Variants in DENND1A observed in about 807,000 individuals in gnomAD.
DENND1A encodes DENN domain containing 1A, also known as DENN domain-containing protein 1A.
In DENND1A, 51 loss-of-function variants were observed where a neutral mutation model predicts 113.7. The observed-to-expected ratio is 0.45, with a 90% confidence interval of 0.36 to 0.57. The LOEUF is 0.57. Ranked by LOEUF, DENND1A falls within the 20% of genes least tolerant of loss-of-function variation. The pLI, the probability that DENND1A is intolerant of heterozygous loss-of-function variation, is 0.00. For synonymous variants in DENND1A, 565 were observed against 570.8 expected, an observed-to-expected ratio of 0.99 and a Z score of 0.14; for missense variants, 1,258 against 1,395.9, an observed-to-expected ratio of 0.90 and a Z score of 1.57.
At chr9:123,799,618 C>T (rs1325040869) in intron 2 of DENND1A, among the ~76,000 whole-genome samples, 11 of 152,292 alleles carry the variant, frequency 7.2e-5, no homozygotes, top group Admixed American at 1.3e-4. Flanking sequence ...ACACGGCACG[C>T]CCACTTCTGA....
chr9:123,510,357 C>T lies in DENND1A; in HGVS notation c.993+47213G>A, dbSNP rs565171983. 3.3e-5 allele frequency among the ~76,000 whole-genome samples: 5 copies of T among 152,378 alleles called. No homozygotes were observed. In the East Asian group the frequency reaches 9.6e-4, roughly 29 times the overall value. ...AACTCATCTGATAAAGGGAAATACA[C>T]AATAGAATGATCAGTGTGAGCACAC... On this transcript the variant is annotated intron_variant, in intron 13 of 23. Transcript: ENST00000394215.
At chr9:123,531,552 TCTACACACACACACACACAC>T (rs1174202910) in intron 13 of DENND1A, among the ~76,000 whole-genome samples, 21 of 133,874 alleles carry the variant, frequency 1.6e-4, no homozygotes, top group Middle Eastern at 3.7e-3. Context: ...CCCCTCTCTC[TCTACACACACACACACACAC>T]ACACACACAC....
intron 1 of DENND1A, among the ~76,000 whole-genome samples, chr9:123,925,761 T>A (rs1405099861): frequency 6.6e-6 from 1 of 152,200 alleles, no homozygotes; most frequent in Non-Finnish European, 1.5e-5. Flanking sequence ...GGTCACAGTT[T>A]GACAGGGACA....
At chr9:123,713,704 A>AC (rs2066783983) in intron 5 of DENND1A, among the ~76,000 whole-genome samples, 1 of 152,138 alleles carries the variant, frequency 6.6e-6, no homozygotes, top group South Asian at 2.1e-4. Context: ...AGAAAAAAAA[A>AC]ACTAGACTCT....
Position 123,711,549 on chromosome 9 carries a change from A to C in DENND1A, c.303-34760T>G, listed in dbSNP as rs1294933270. On this transcript the variant is annotated intron_variant, in intron 5 of 23. Coordinates refer to ENST00000394215, the MANE Select transcript of DENND1A (RefSeq NM_001352964.2). Reference sequence around the variant, plus strand: ...TATATATATATATATAAATTCAACAAAGCAATGTCTTTCAAGTCCACTGCT... The same window carrying C: ...TATATATATATATATAAATTCAACACAGCAATGTCTTTCAAGTCCACTGCT... Among the ~76,000 whole-genome samples the C allele has an allele frequency of 3.9e-5, 5 of 128,476 alleles. No individual in the cohort carries two copies. In the South Asian group the frequency reaches 1.2e-3, roughly 31 times the overall value. 84.3% of individuals were successfully genotyped at this position (128,476 alleles called of 152,430 possible).
chr9:123,483,202 C>A (rs905533870), intron 13 of DENND1A, among the ~76,000 whole-genome samples: 1 of 152,110 alleles, frequency 6.6e-6, no homozygotes, highest in African/African-American at 2.4e-5. Context: ...TTTGGAGAGG[C>A]AAGTAGGACC....
chr9:123,457,788 G>A lies in DENND1A; in HGVS notation c.1098+5C>T. ...AGACCCAGGCCAGACCAGGGAGGGA[G>A]GCACCTGCTTGAAGAGCTGCAGCTG... is the stretch of plus-strand genomic sequence containing the variant. On this transcript the variant is annotated splice_donor_5th_base_variant and intron_variant, in intron 14 of 23. Transcript: ENST00000394215. 1 of 1,605,098 alleles carries A rather than the reference G, an allele frequency of 6.2e-7. No homozygotes were observed. The highest frequency in any genetic ancestry group is 8.5e-7 in the Non-Finnish European group (1 of 1,175,894).
intron 15 of DENND1A, among the ~76,000 whole-genome samples, chr9:123,455,585 T>G (rs1016009197): frequency 1.3e-5 from 2 of 152,190 alleles, no homozygotes; most frequent in African/African-American, 4.8e-5. Context: ...TAACAGCCAC[T>G]GAGACATCCG....
At chr9:123,596,390 G>T (rs550034811) in intron 11 of DENND1A, among the ~76,000 whole-genome samples, 1 of 152,256 alleles carries the variant, frequency 6.6e-6, no homozygotes, top group Non-Finnish European at 1.5e-5. Context: ...TTGAATTTTT[G>T]AACATACCAT....
chr9:123,765,541 G>C (rs973697294), intron 4 of DENND1A, among the ~76,000 whole-genome samples: 7 of 152,092 alleles, frequency 4.6e-5, no homozygotes, highest in African/African-American at 1.7e-4. Context: ...TGACTATCCT[G>C]TCAGTTGTGT....
At chr9:123,593,970 G>A (rs568586597) in intron 11 of DENND1A, among the ~76,000 whole-genome samples, 9 of 152,188 alleles carry the variant, frequency 5.9e-5, no homozygotes, top group Admixed American at 5.9e-4. Context: ...TCTTTCTCCT[G>A]CTGGCCATGT....
intron 5 of DENND1A, among the ~76,000 whole-genome samples, chr9:123,710,852 T>C (rs957425703): frequency 6.6e-6 from 1 of 151,904 alleles, no homozygotes; most frequent in African/African-American, 2.4e-5. Context: ...TTTGTATTTT[T>C]AGTAGAGACA....
Position 123,517,991 on chromosome 9 carries a change from T to C in DENND1A, c.993+39579A>G, listed in dbSNP as rs140028846. On this transcript the variant is annotated intron_variant, in intron 13 of 23. Transcript: ENST00000394215. The stretch of plus-strand genomic sequence containing the variant: ...TGTTACTTTTATAATCAGAAAAAAA[T>C]ATATATTATTATTTTTTAGGTGTTG... Among the ~76,000 whole-genome samples the C allele has an allele frequency of 3.3e-5, 5 of 152,226 alleles. No homozygotes were observed. In the East Asian group the frequency reaches 7.7e-4, roughly 24 times the overall value.
chr9:123,856,562 T>C (rs1381767923), intron 2 of DENND1A, among the ~76,000 whole-genome samples: 8 of 152,086 alleles, frequency 5.3e-5, no homozygotes, highest in Non-Finnish European at 1.2e-4. Context: ...GTAAGGAACT[T>C]TCCATGCAGG....
intron 13 of DENND1A, among the ~76,000 whole-genome samples, chr9:123,508,046 A>T (rs916533243): frequency 6.6e-6 from 1 of 152,138 alleles, no homozygotes; most frequent in African/African-American, 2.4e-5. Flanking sequence ...CACATCGGCG[A>T]TGGGTTAATG....
intron 1 of DENND1A, among the ~76,000 whole-genome samples, chr9:123,882,340 A>G (rs1655972181): frequency 2.0e-5 from 3 of 150,720 alleles, no homozygotes; most frequent in Admixed American, 6.6e-5. Flanking sequence ...AAAAAAAAAA[A>G]TCCCATTTGG....
intron 9 of DENND1A, among the ~76,000 whole-genome samples, chr9:123,632,989 C>T (rs764968578): frequency 5.3e-5 from 8 of 152,124 alleles, no homozygotes; most frequent in South Asian, 2.1e-4. Context: ...CTCACTACAA[C>T]GTCTGCCTCC....
chr9:123,793,319 A>C (rs1283132552), intron 2 of DENND1A, among the ~76,000 whole-genome samples: 4 of 152,202 alleles, frequency 2.6e-5, no homozygotes, highest in Non-Finnish European at 5.9e-5. Flanking sequence ...GGAGTTACTA[A>C]AGGGATCACT....
chr9:123,841,307 C>T (rs1006850518), intron 2 of DENND1A, among the ~76,000 whole-genome samples: 1 of 152,068 alleles, frequency 6.6e-6, no homozygotes, highest in African/African-American at 2.4e-5. Flanking sequence ...TTCACTCAAA[C>T]AAAAAATTAT....
Sources: gnomAD v4.1 joint callset for allele counts (sites outside exome capture counted in the v4.1 genomes callset) on GRCh38, gnomAD v4.1.1 for gene constraint, MANE v1.5 for transcripts, NCBI Gene and HGNC (gene_info 2026-07-23, HGNC 2026-07-21) for gene names.